The following IL7 variants were observed in gnomAD, a reference collection of about 807,000 sequenced individuals.
IL7 encodes the protein interleukin-7.
IL7 carries 3 observed loss-of-function variants against 21.6 expected under a neutral mutation model. The observed-to-expected ratio is 0.14, with a 90% confidence interval of 0.06 to 0.36. IL7 has a LOEUF of 0.36. Among genes scored for constraint, IL7 ranks in the 10% least tolerant of loss-of-function variants. The probability of loss-of-function intolerance (pLI) is 1.00; values close to 1 mark genes in which losing one functional copy is unlikely to be tolerated. For missense variants in IL7, 175 were observed against 200.2 expected (o/e 0.87, Z 0.76); for synonymous variants, 62 against 68.1 (o/e 0.91, Z 0.44).
chr8:78,721,870 A>C (rs1003870222), intron 3 of IL7, among the ~76,000 whole-genome samples: 1 of 152,062 alleles, frequency 6.6e-6, no homozygotes, highest in East Asian at 1.9e-4. Context: ...ATATTTATGC[A>C]AAACATGATT....
rs759336111 is a variant in IL7 at position 78,740,043 on chromosome 8, C to T, written c.187G>A (p.Glu63Lys). 6.5e-7 allele frequency: 1 copy of T among 1,540,970 alleles called. No individual in the cohort carries two copies. Among genetic ancestry groups the T allele is most frequent in the Non-Finnish European group, 8.7e-7 (1 of 1,147,664 alleles). Residue 63 changes from glutamate (E) to lysine (K), a missense_variant, in exon 3 of 6, where the codon GAA (glutamate) becomes AAA (lysine). Physicochemically the swap from Glu to Lys is moderately conservative, Grantham distance 56. Transcript: ENST00000263851. ...ATATGTCTTTTAAAAAAGTTAAATT[C>T]ATTATTCAGGCAATTGCTACCAATT... ...KEIGSNCLNN[E>K]FNFFKRHICD...
At chr8:78,798,491 G>A (rs139070823) in intron 1 of IL7, among the ~76,000 whole-genome samples, 2 of 151,948 alleles carry the variant, frequency 1.3e-5, no homozygotes, top group African/African-American at 2.4e-5. Context: ...AACACTCCAG[G>A]GTGTTAATCA....
At chr8:78,712,751 A>C (rs1185163565) in intron 3 of IL7, among the ~76,000 whole-genome samples, 1 of 152,160 alleles carries the variant, frequency 6.6e-6, no homozygotes, top group African/African-American at 2.4e-5. Flanking sequence ...AAGGTTTACT[A>C]ATTTGGGTCT....
intron 3 of IL7, among the ~76,000 whole-genome samples, chr8:78,695,155 A>G (rs148906364): frequency 2.0e-5 from 3 of 152,180 alleles, no homozygotes; most frequent in African/African-American, 7.2e-5. Flanking sequence ...TAACCTGACT[A>G]GTTCTTGTCT....
intron 2 of IL7, among the ~76,000 whole-genome samples, chr8:78,741,481 C>A (rs1199572601): frequency 6.6e-6 from 1 of 152,148 alleles, no homozygotes; most frequent in Non-Finnish European, 1.5e-5. Context: ...CGTGTAGCTA[C>A]TCTATATGTT....
Position 78,752,414 on chromosome 8 carries a change from C to T in IL7, c.148-12332G>A, listed in dbSNP as rs376171104. ...CCAACAATTCCAATGGTTTCCTTTT[C>T]TCCACATCCTCATCAACACTTATCT... is the stretch of plus-strand genomic sequence containing the variant. On this transcript the variant is annotated intron_variant, in intron 2 of 5. Transcript: ENST00000263851. 2.7e-3 allele frequency among the ~76,000 whole-genome samples: 417 copies of T among 152,306 alleles called. 2 individuals carry two copies. Among genetic ancestry groups the T allele is most frequent in the Admixed American group, 6.7e-3 (103 of 15,296 alleles).
At chr8:78,735,347 C>G (rs1811552867) in intron 5 of IL7, among the ~76,000 whole-genome samples, 1 of 135,770 alleles carries the variant, frequency 7.4e-6, no homozygotes, top group African/African-American at 2.7e-5. Flanking sequence ...GAGTCCCACT[C>G]TGTTGCCCAG....
chr8:78,794,251 T>C (rs913545430), intron 2 of IL7, among the ~76,000 whole-genome samples: 1 of 152,122 alleles, frequency 6.6e-6, no homozygotes, highest in Non-Finnish European at 1.5e-5. Flanking sequence ...AGATGAATCA[T>C]TATCTCTGGC....
chr8:78,765,325 A>G (rs748853164), intron 2 of IL7, among the ~76,000 whole-genome samples: 4 of 152,146 alleles, frequency 2.6e-5, no homozygotes, highest in Non-Finnish European at 4.4e-5. Flanking sequence ...GAGGTGATTG[A>G]TAAGCTGAGC....
chr8:78,756,799 G>A (rs1476120137), intron 2 of IL7, among the ~76,000 whole-genome samples: 2 of 151,440 alleles, frequency 1.3e-5, no homozygotes. Context: ...TATTTTCCAA[G>A]TGGTTTATGT....
Position 78,769,473 on chromosome 8 carries a change from A to G in IL7, c.147+28599T>C, listed in dbSNP as rs1427174922. ...AATAAAATACCTAGGAATCCAACTT[A>G]CAAGGGACGTGAAGGACCTCTTCAA... On this transcript the variant is annotated intron_variant, in intron 2 of 5. Coordinates refer to ENST00000263851, the MANE Select transcript of IL7 (RefSeq NM_000880.4). 2.0e-5 allele frequency among the ~76,000 whole-genome samples: 3 copies of G among 152,282 alleles called. No homozygotes were observed. The East Asian group carries it at 5.8e-4, about 29-fold the overall frequency.
chr8:78,707,128 A>C (rs1470881927), intron 3 of IL7, among the ~76,000 whole-genome samples: 1 of 152,232 alleles, frequency 6.6e-6, no homozygotes, highest in Non-Finnish European at 1.5e-5. Context: ...AATTTTACAA[A>C]GTCATTTTAC....
rs116062723 is a variant in IL7 at position 78,678,824 on chromosome 8, G to A, written n.274-2720C>T. ...GAATAAATACAATTCTGTGTTATAT[G>A]TTCAGTTTAGAAATTATCTGAAGCT... On this transcript the variant is annotated intron_variant and non_coding_transcript_variant, in intron 4 of 4. Transcript: ENST00000523959. The A allele has an allele frequency of 4.6e-4, 218 of 475,228 alleles. 1 individual carries two copies. Among genetic ancestry groups the A allele is most frequent in the African/African-American group, 4.0e-3 (200 of 49,450 alleles). 29.4% of individuals were successfully genotyped at this position (475,228 alleles called of 1,614,324 possible).
downstream of IL7, chr8:78,715,387 C>T (rs1811069391): frequency 6.9e-7 from 1 of 1,450,458 alleles, no homozygotes; most frequent in African/African-American, 1.4e-5. Flanking sequence ...GATAGTTTTC[C>T]AAGGACCATA....
intron 2 of IL7, among the ~76,000 whole-genome samples, chr8:78,797,498 G>A (rs1448390179): frequency 6.6e-6 from 1 of 151,800 alleles, no homozygotes; most frequent in East Asian, 1.9e-4. Context: ...AGAGCATATG[G>A]GAATTTTCTA....
At chr8:78,783,071 G>T (rs1813393634) in intron 2 of IL7, among the ~76,000 whole-genome samples, 1 of 152,274 alleles carries the variant, frequency 6.6e-6, no homozygotes, top group Non-Finnish European at 1.5e-5. Flanking sequence ...CTGCAGTGAT[G>T]GTTGCTGCCC....
At chr8:78,682,522 A>G (rs374616870) in intron 4 of IL7, among the ~76,000 whole-genome samples, 8 of 152,276 alleles carry the variant, frequency 5.3e-5, no homozygotes, top group African/African-American at 1.4e-4. Context: ...CTTATTCACT[A>G]TCACGAGCAC....
intron 4 of IL7, among the ~76,000 whole-genome samples, chr8:78,683,164 C>A (rs1332040996): frequency 6.6e-6 from 1 of 151,610 alleles, no homozygotes; most frequent in Non-Finnish European, 1.5e-5. Context: ...GTCGGTGGAT[C>A]TACCATTCTG....
chr8:78,766,083 T>C (rs1812744807), intron 2 of IL7, among the ~76,000 whole-genome samples: 1 of 152,122 alleles, frequency 6.6e-6, no homozygotes, highest in Non-Finnish European at 1.5e-5. Context: ...TGAAAAAGGC[T>C]ATATACAGTT....
Sources: allele counts gnomAD v4.1 joint callset (sites outside exome capture counted in the v4.1 genomes callset), GRCh38; gene constraint gnomAD v4.1.1; transcripts MANE v1.5; gene names NCBI Gene and HGNC (gene_info 2026-07-23, HGNC 2026-07-21).